The following LRP1B variants were observed in gnomAD, a reference collection of about 807,000 sequenced individuals.
LRP1B encodes low-density lipoprotein receptor-related protein 1B.
A neutral mutation model predicts 556.6 loss-of-function variants in LRP1B; 217 were observed. The ratio of observed to expected loss-of-function variants is 0.39; its 90% CI spans 0.35 to 0.44. The LOEUF (loss-of-function observed/expected upper bound fraction) is 0.44. Ranked by LOEUF, LRP1B falls within the 20% of genes least tolerant of loss-of-function variation. The pLI, the probability that LRP1B is intolerant of heterozygous loss-of-function variation, is 1.00. For synonymous variants in LRP1B, 2,047 were observed against 1,865.8 expected (o/e 1.10, Z -2.50); for missense variants, 5,053 against 5,620.8 (o/e 0.90, Z 3.23).
chr2:141,797,636 C>T (rs545260625), intron 2 of LRP1B, among the ~76,000 whole-genome samples: 16 of 152,146 alleles, frequency 1.1e-4, no homozygotes, highest in African/African-American at 3.6e-4. Context: ...GAGTTAGAAC[C>T]ATACAAGACT....
intron 67 of LRP1B, among the ~76,000 whole-genome samples, chr2:140,381,872 A>T (rs547202204): frequency 9.3e-5 from 14 of 150,224 alleles, no homozygotes; most frequent in African/African-American, 3.2e-4. Context: ...AAAAAAAAAA[A>T]AAAAAAAAAA....
chr2:140,840,236 G>C (rs1450733866), intron 30 of LRP1B, 151 bp from the exon 31 acceptor site: 1 of 555,308 alleles, frequency 1.8e-6, no homozygotes, highest in Non-Finnish European at 3.1e-6. Context: ...CCAGCCATTT[G>C]CCAGCAATAA....
At chr2:142,006,551 T>G (rs1702806718) in intron 1 of LRP1B, among the ~76,000 whole-genome samples, 1 of 152,220 alleles carries the variant, frequency 6.6e-6, no homozygotes, top group Non-Finnish European at 1.5e-5. Context: ...CCTTCTCCGT[T>G]AACACATTCA....
intron 7 of LRP1B, among the ~76,000 whole-genome samples, chr2:141,103,681 T>TG (rs903708180): frequency 2.1e-5 from 3 of 146,208 alleles, no homozygotes; most frequent in South Asian, 4.3e-4. Flanking sequence ...AATACAACTG[T>TG]GAAAAAAAAA....
intron 1 of LRP1B, among the ~76,000 whole-genome samples, chr2:141,818,378 A>G (rs1455507615): frequency 1.3e-5 from 2 of 152,154 alleles, no homozygotes; most frequent in African/African-American, 4.8e-5. Context: ...TAAAGAATAA[A>G]TTGCTCAGAA....
At chr2:140,679,782 A>T (rs1490026070) in intron 41 of LRP1B, among the ~76,000 whole-genome samples, 1 of 152,132 alleles carries the variant, frequency 6.6e-6, no homozygotes, top group Non-Finnish European at 1.5e-5. Flanking sequence ...CCAAGATCCC[A>T]CCTGGGTTTT....
At position 141,020,002 on chromosome 2, in the gene LRP1B, T is replaced by A. The variant is rs1238703441; in HGVS notation, c.1890A>T (p.Glu630Asp). Residue 630 changes from glutamate (E) to aspartate (D), a missense_variant, in exon 12 of 91, where the codon GAA becomes GAT. Physicochemically the swap from Glu to Asp is conservative, Grantham distance 45 (BLOSUM62 2). Coordinates refer to ENST00000389484, the MANE Select transcript of LRP1B (RefSeq NM_018557.3). ...HRKTINVARLEKASQSRKTLL... is the reference protein window; with the variant it reads ...HRKTINVARLDKASQSRKTLL... ...GAGTCTTCCGACTCTGAGAAGCTTT[T>A]TCCAGCCTGGCCACATTAATGGTTT... is the stretch of plus-strand genomic sequence containing the variant. 4 of 1,611,984 alleles carry A rather than the reference T, an allele frequency of 2.5e-6. No individual in the cohort carries two copies. Among genetic ancestry groups the A allele is most frequent in the Non-Finnish European group, 3.4e-6 (4 of 1,178,712 alleles).
intron 1 of LRP1B, among the ~76,000 whole-genome samples, chr2:141,840,653 A>G (rs1334777911): frequency 6.6e-6 from 1 of 152,140 alleles, no homozygotes; most frequent in African/African-American, 2.4e-5. Context: ...ACTAGAGATC[A>G]ATGGTCTCAT....
intron 63 of LRP1B, among the ~76,000 whole-genome samples, chr2:140,448,059 T>C (rs1440812460): frequency 7.1e-6 from 1 of 140,384 alleles, no homozygotes; most frequent in Non-Finnish European, 1.6e-5. Flanking sequence ...AAAACAAATA[T>C]AATAATAGTA....
intron 88 of LRP1B, among the ~76,000 whole-genome samples, chr2:140,238,590 C>A (rs1297207707): frequency 6.6e-6 from 1 of 150,848 alleles, no homozygotes; most frequent in African/African-American, 2.4e-5. Context: ...TGAAAACTAT[C>A]ACAACAAAAT....
At chr2:140,753,266 C>A (rs560336633) in intron 35 of LRP1B, among the ~76,000 whole-genome samples, 2 of 152,198 alleles carry the variant, frequency 1.3e-5, no homozygotes, top group South Asian at 2.1e-4. Flanking sequence ...ATAGCTATAA[C>A]AATTACATAA....
chr2:140,666,653 A>G (rs779761781), intron 41 of LRP1B, among the ~76,000 whole-genome samples: 1 of 152,226 alleles, frequency 6.6e-6, no homozygotes, highest in East Asian at 1.9e-4. Context: ...TAACATTTCC[A>G]AGGATTACTT....
In LRP1B at chr2:140,466,063, T is replaced by C. The variant is rs1687532516; in HGVS notation, c.9626-8412A>G. Among the ~76,000 whole-genome samples the C allele has an allele frequency of 2.0e-5, 3 of 151,486 alleles. No individual in the cohort carries two copies. The South Asian group carries it at 6.2e-4, about 31-fold the overall frequency. On this transcript the variant is annotated intron_variant, in intron 60 of 90. Coordinates refer to ENST00000389484, the MANE Select transcript of LRP1B (RefSeq NM_018557.3). ...ACCAAGAAAGAAACACTCTAGAATA[T>C]TATAAAATAGTGCAGGTCGGGGGGT... is the stretch of plus-strand genomic sequence containing the variant.
At chr2:140,258,087 C>T (rs1289447848) in intron 86 of LRP1B, among the ~76,000 whole-genome samples, 1 of 152,142 alleles carries the variant, frequency 6.6e-6, no homozygotes. Context: ...AACTCATTAT[C>T]TTCCTCCCAA....
At chr2:141,510,403 C>T (rs1038938957) in intron 2 of LRP1B, among the ~76,000 whole-genome samples, 1 of 152,180 alleles carries the variant, frequency 6.6e-6, no homozygotes, top group Non-Finnish European at 1.5e-5. Context: ...TTTATATCTT[C>T]CAGTTCCAAT....
intron 31 of LRP1B, among the ~76,000 whole-genome samples, chr2:140,820,006 T>C (rs1329824523): frequency 6.6e-6 from 1 of 152,188 alleles, no homozygotes; most frequent in Non-Finnish European, 1.5e-5. Flanking sequence ...TTTAAATTAC[T>C]ATTATTTTTT....
chr2:141,251,287 G>C (rs1176806025), intron 4 of LRP1B, among the ~76,000 whole-genome samples: 2 of 152,148 alleles, frequency 1.3e-5, no homozygotes, highest in East Asian at 3.9e-4. Context: ...TAAGGGAAAA[G>C]AGATATTTAA....
intron 84 of LRP1B, among the ~76,000 whole-genome samples, chr2:140,276,387 T>C (rs1166743843): frequency 7.2e-5 from 11 of 151,992 alleles, no homozygotes; most frequent in Non-Finnish European, 1.5e-4. Flanking sequence ...GTTTTGGCTA[T>C]ATTTAAGACA....
At chr2:140,964,538 GC>G (rs1365564291) in intron 18 of LRP1B, among the ~76,000 whole-genome samples, 2 of 151,646 alleles carry the variant, frequency 1.3e-5, no homozygotes, top group African/African-American at 4.9e-5. Context: ...AGACCAAGGA[GC>G]CCTCTGGTGG....
Sources: allele counts gnomAD v4.1 joint callset (sites outside exome capture counted in the v4.1 genomes callset), GRCh38; gene constraint gnomAD v4.1.1; transcripts MANE v1.5; gene names NCBI Gene and HGNC (gene_info 2026-07-23, HGNC 2026-07-21).